SGCZ: variants seen among roughly 807,000 people sequenced by gnomAD.
SGCZ encodes sarcoglycan zeta, also known as zeta-sarcoglycan.
SGCZ carries 40 observed loss-of-function variants against 41.3 expected under a neutral mutation model. The observed-to-expected ratio is 0.97, with a 90% CI of 0.75 to 1.26. The LOEUF is 1.26. Ranked by LOEUF, SGCZ falls within the 50% of genes most tolerant of loss-of-function variation. The pLI is 0.00. For synonymous variants in SGCZ, 206 were observed against 137.5 expected (o/e 1.50, Z -3.49); for missense variants, 552 against 369.8 (o/e 1.49, Z -4.04).
At chr8:14,277,777 A>G (rs1156872445) in intron 3 of SGCZ, among the ~76,000 whole-genome samples, 1 of 152,150 alleles carries the variant, frequency 6.6e-6, no homozygotes, top group Non-Finnish European at 1.5e-5. Context: ...GAGGGGAGGA[A>G]TGTTCTCTGG....
rs1315790971 is a variant in SGCZ at position 15,237,741 on chromosome 8, TCA to T, written c.-120_-119del. ...CTCCTCCAAGCCCCGGCAGCTCCTC[TCA>T]GTCTCATTCTCCGTGGTCACGCCGC... On this transcript the variant is annotated 5_prime_UTR_variant, in exon 1 of 8. It removes the in-frame stop codon of an upstream open reading frame in the 5' UTR. Transcript: ENST00000382080. 2 of 989,426 alleles carry T rather than the reference TCA, an allele frequency of 2.0e-6. No homozygotes were observed. The highest frequency in any genetic ancestry group is 3.1e-6 in the Non-Finnish European group (2 of 647,456). 61.3% of individuals were successfully genotyped at this position (989,426 alleles called of 1,614,324 possible).
intron 1 of SGCZ, among the ~76,000 whole-genome samples, chr8:15,139,530 T>C (rs1311392858): frequency 6.6e-6 from 1 of 152,160 alleles, no homozygotes; most frequent in African/African-American, 2.4e-5. Context: ...ATATTTAAGG[T>C]GACATGGCAC....
chr8:14,626,935 TG>T (rs1324020239), intron 1 of SGCZ, among the ~76,000 whole-genome samples: 1 of 152,176 alleles, frequency 6.6e-6, no homozygotes, highest in Non-Finnish European at 1.5e-5. Context: ...CACGATTTAC[TG>T]CTTCAGGATC....
At chr8:14,132,245 G>C (rs1218808176) in intron 5 of SGCZ, among the ~76,000 whole-genome samples, 2 of 152,006 alleles carry the variant, frequency 1.3e-5, no homozygotes, top group Non-Finnish European at 2.9e-5. Context: ...AGCTTGGCTA[G>C]TATATGTTCT....
intron 1 of SGCZ, among the ~76,000 whole-genome samples, chr8:15,094,693 A>C (rs540953219): frequency 6.6e-6 from 1 of 152,260 alleles, no homozygotes. Flanking sequence ...AATAATCCCC[A>C]TGTGTCAAGG....
intron 2 of SGCZ, among the ~76,000 whole-genome samples, chr8:14,372,262 G>A (rs922871343): frequency 1.9e-4 from 29 of 152,104 alleles, no homozygotes; most frequent in African/African-American, 6.8e-4. Context: ...TCTTAGTAAC[G>A]ACCTTGTGCT....
At chr8:14,574,368 C>T (rs757512382) in intron 1 of SGCZ, among the ~76,000 whole-genome samples, 4 of 152,094 alleles carry the variant, frequency 2.6e-5, no homozygotes, top group Non-Finnish European at 4.4e-5. Flanking sequence ...ACCAGAATCA[C>T]TTTCCCTAAA....
chr8:15,218,914 G>A (rs1563190598), intron 1 of SGCZ, among the ~76,000 whole-genome samples: 1 of 152,162 alleles, frequency 6.6e-6, no homozygotes, highest in South Asian at 2.1e-4. Flanking sequence ...CAGCCCACAA[G>A]TGGCGCTGAA....
intron 1 of SGCZ, among the ~76,000 whole-genome samples, chr8:14,755,225 G>A (rs900763152): frequency 6.6e-6 from 1 of 151,598 alleles, no homozygotes; most frequent in African/African-American, 2.4e-5. Flanking sequence ...ATTCTTGTTT[G>A]ATTTTTTTAA....
Position 15,034,338 on chromosome 8 carries a change from G to C in SGCZ, c.39+203247C>G, listed in dbSNP as rs61570530. ...AGTGGAATGAAAACAGCAAGAGAAA[G>C]CATCACTAGCAGAAGTGATCAAGCA... On this transcript the variant is annotated intron_variant, in intron 1 of 7. Coordinates refer to ENST00000382080, the MANE Select transcript of SGCZ (RefSeq NM_139167.4). Among the ~76,000 whole-genome samples the C allele has an allele frequency of 1.5e-3, 229 of 152,024 alleles. 1 individual carries two copies. Among genetic ancestry groups the C allele is most frequent in the African/African-American group, 5.0e-3 (209 of 41,504 alleles).
intron 2 of SGCZ, among the ~76,000 whole-genome samples, chr8:14,553,140 TGAA>T (rs1423438499): frequency 2.0e-5 from 3 of 152,186 alleles, no homozygotes; most frequent in African/African-American, 7.2e-5. Flanking sequence ...AAATGACTCC[TGAA>T]GGACACCCAG....
chr8:14,121,720 CATATA>C (rs1159356784), intron 5 of SGCZ, among the ~76,000 whole-genome samples: 18 of 152,076 alleles, frequency 1.2e-4, no homozygotes, highest in Admixed American at 1.2e-3. Flanking sequence ...TTAAAGAGGA[CATATA>C]ATATAACCAA....
chr8:14,564,225 G>T (rs190227611), intron 1 of SGCZ, among the ~76,000 whole-genome samples: 12 of 152,300 alleles, frequency 7.9e-5, no homozygotes, highest in African/African-American at 2.9e-4. Context: ...ATTTAATCTG[G>T]ATTCCAAAAC....
chr8:14,615,012 GTATA>G (rs145037808), intron 1 of SGCZ, among the ~76,000 whole-genome samples: 2 of 130,824 alleles, frequency 1.5e-5, no homozygotes, highest in Non-Finnish European at 3.3e-5. Flanking sequence ...GTGTGTGTGT[GTATA>G]TATATATATG....
intron 2 of SGCZ, among the ~76,000 whole-genome samples, chr8:14,531,269 A>T (rs985249084): frequency 5.9e-5 from 7 of 117,962 alleles, no homozygotes; most frequent in Non-Finnish European, 1.3e-4. Flanking sequence ...CTTAACTGGC[A>T]ATCCACTTTC....
intron 1 of SGCZ, among the ~76,000 whole-genome samples, chr8:15,051,027 C>G (rs940197527): frequency 3.9e-5 from 6 of 152,122 alleles, no homozygotes; most frequent in African/African-American, 1.4e-4. Context: ...CACTGAAATT[C>G]AGTTAAGAGG....
chr8:14,302,388 G>C (rs1203210671), intron 3 of SGCZ, among the ~76,000 whole-genome samples: 1 of 152,058 alleles, frequency 6.6e-6, no homozygotes, highest in Non-Finnish European at 1.5e-5. Context: ...TCAACCCTGT[G>C]ATTCTTTCAG....
chr8:14,738,225 AG>A (rs1398642670), intron 1 of SGCZ, among the ~76,000 whole-genome samples: 1 of 152,010 alleles, frequency 6.6e-6, no homozygotes, highest in African/African-American at 2.4e-5. Context: ...CTTCTTTCTA[AG>A]GGGGAATCAT....
At chr8:14,813,825 T>C (rs1360264040) in intron 1 of SGCZ, among the ~76,000 whole-genome samples, 2 of 152,050 alleles carry the variant, frequency 1.3e-5, no homozygotes, top group Non-Finnish European at 2.9e-5. Context: ...TGGGGGTGCA[T>C]GCCTGTAATC....
Sources: allele counts gnomAD v4.1 joint callset (sites outside exome capture counted in the v4.1 genomes callset), GRCh38; gene constraint gnomAD v4.1.1; transcripts MANE v1.5; gene names NCBI Gene and HGNC (gene_info 2026-07-23, HGNC 2026-07-21).